The following CNTNAP5 variants were observed in gnomAD, a reference collection of about 807,000 sequenced individuals.
The protein encoded by CNTNAP5 is contactin associated protein family member 5, also known as contactin-associated protein-like 5.
In CNTNAP5, 72 loss-of-function variants were observed where a neutral mutation model predicts 150.2. That is an observed-to-expected ratio of 0.48 (90% CI 0.40 to 0.58). The LOEUF (loss-of-function observed/expected upper bound fraction) is 0.58. CNTNAP5 is among the 20% of genes least tolerant of loss of function. CNTNAP5 has a pLI of 0.00. For synonymous variants in CNTNAP5, 672 were observed against 619.8 expected (o/e 1.08, Z -1.25); for missense variants, 1,636 against 1,626.2 (o/e 1.01, Z -0.10).
intron 19 of CNTNAP5, among the ~76,000 whole-genome samples, chr2:124,811,482 T>C (rs1682217734): frequency 1.3e-5 from 2 of 152,170 alleles, no homozygotes. Context: ...AATTAGTTTT[T>C]TTCCCTACCA....
intron 3 of CNTNAP5, among the ~76,000 whole-genome samples, chr2:124,381,711 G>A (rs574267558): frequency 7.9e-4 from 120 of 152,150 alleles, no homozygotes; most frequent in African/African-American, 2.6e-3. Context: ...GAGGTCGAGC[G>A]GGACCTACAA....
In CNTNAP5 at chr2:124,675,605, G is replaced by A. The variant is rs147526144; in HGVS notation, c.2077+27647G>A. Among the ~76,000 whole-genome samples the A allele has an allele frequency of 9.7e-4, 148 of 151,998 alleles. 1 individual carries two copies. The highest frequency in any genetic ancestry group is 3.3e-3 in the East Asian group (17 of 5,180). ...CATTAATCCTAACTCAATTTCAATC[G>A]TATACAAAAGCTTTTGTGCAACATA... On this transcript the variant is annotated intron_variant, in intron 13 of 23. Coordinates refer to ENST00000682447, the MANE Select transcript of CNTNAP5 (RefSeq NM_001367498.1).
intron 3 of CNTNAP5, among the ~76,000 whole-genome samples, chr2:124,311,271 C>T (rs1360592009): frequency 6.6e-6 from 1 of 152,094 alleles, no homozygotes; most frequent in Non-Finnish European, 1.5e-5. Context: ...TATATTCTTA[C>T]AATTCTGGAA....
intron 11 of CNTNAP5, among the ~76,000 whole-genome samples, chr2:124,568,049 G>T (rs989041646): frequency 6.6e-6 from 1 of 152,182 alleles, no homozygotes; most frequent in African/African-American, 2.4e-5. Context: ...GAGAATCTGC[G>T]TGTTGATGCC....
In CNTNAP5 at chr2:124,084,924, G is replaced by GTTTTGTTTTTTTT. The variant is rs1553435818; in HGVS notation, c.82+59196_82+59197insGTTTTTTTTTTTT. ...TAAAAATTATGAATTCAAGTTTCCT[G>GTTTTGTTTTTTTT]TTTTTTTTTTTTTTTGAGACGGAGT... is the stretch of plus-strand genomic sequence containing the variant. On this transcript the variant is annotated intron_variant, in intron 1 of 23. Coordinates refer to ENST00000682447, the MANE Select transcript of CNTNAP5 (RefSeq NM_001367498.1). 2.7e-3 allele frequency among the ~76,000 whole-genome samples: 242 copies of GTTTTGTTTTTTTT among 89,984 alleles called. 14 individuals are homozygous for GTTTTGTTTTTTTT. The highest frequency in any genetic ancestry group is 3.7e-3 in the Non-Finnish European group (185 of 50,090). The allele number at this position is 89,984 out of a possible 152,430, so 59.0% of individuals were successfully genotyped here.
intron 18 of CNTNAP5, among the ~76,000 whole-genome samples, chr2:124,790,480 T>C (rs990432262): frequency 6.6e-6 from 1 of 152,168 alleles, no homozygotes; most frequent in Non-Finnish European, 1.5e-5. Context: ...AGCCCGCAAA[T>C]GTAATCAAAG....
intron 8 of CNTNAP5, among the ~76,000 whole-genome samples, chr2:124,510,386 C>CACACACACACACACACAT (rs1694547326): frequency 8.1e-6 from 1 of 123,036 alleles, no homozygotes; most frequent in Non-Finnish European, 1.7e-5. Flanking sequence ...CACACACACA[C>CACACACACACACACACAT]ACAAATATTC....
At chr2:124,497,911 C>T (rs1400861453) in intron 7 of CNTNAP5, among the ~76,000 whole-genome samples, 1 of 152,140 alleles carries the variant, frequency 6.6e-6, no homozygotes, top group East Asian at 1.9e-4. Context: ...TAAATTCATT[C>T]GATTGGTTCT....
intron 1 of CNTNAP5, among the ~76,000 whole-genome samples, chr2:124,205,064 T>A (rs540416316): frequency 6.6e-6 from 1 of 152,294 alleles, no homozygotes; most frequent in South Asian, 2.1e-4. Flanking sequence ...CTAGAACTAG[T>A]GACAGTAGAG....
intron 19 of CNTNAP5, among the ~76,000 whole-genome samples, chr2:124,863,197 G>C (rs190096376): frequency 6.6e-6 from 1 of 152,278 alleles, no homozygotes; most frequent in South Asian, 2.1e-4. Flanking sequence ...ACTATGTCTG[G>C]CACGTAATTA....
At chr2:124,253,068 A>C (rs1687227086) in intron 3 of CNTNAP5, among the ~76,000 whole-genome samples, 2 of 151,812 alleles carry the variant, frequency 1.3e-5, no homozygotes, top group South Asian at 4.2e-4. Context: ...ATATTTGTAG[A>C]TTTAAATACA....
In CNTNAP5 at chr2:124,759,382, A is replaced by G. The variant is rs1680908916; in HGVS notation, c.2235-4290A>G. On this transcript the variant is annotated intron_variant, in intron 14 of 23. Coordinates refer to ENST00000682447, the MANE Select transcript of CNTNAP5 (RefSeq NM_001367498.1). ...TATTCATTATATATATTTATTATAT[A>G]TATATAAATTATATATATATCTATA... 3.4e-5 allele frequency among the ~76,000 whole-genome samples: 5 copies of G among 146,840 alleles called. No individual in the cohort carries two copies. In the South Asian group the frequency reaches 8.4e-4, roughly 25 times the overall value.
intron 3 of CNTNAP5, among the ~76,000 whole-genome samples, chr2:124,366,232 A>T (rs1690367053): frequency 6.6e-6 from 1 of 152,120 alleles, no homozygotes; most frequent in Non-Finnish European, 1.5e-5. Context: ...TTACTGCAAG[A>T]CTCAAATGCA....
chr2:124,555,122 A>AT (rs893144366), intron 10 of CNTNAP5, among the ~76,000 whole-genome samples: 15 of 152,036 alleles, frequency 9.9e-5, no homozygotes, highest in African/African-American at 3.4e-4. Context: ...TGGGAATGCT[A>AT]TTTTTTTCTG....
At chr2:124,522,906 A>T (rs1345061323) in intron 8 of CNTNAP5, among the ~76,000 whole-genome samples, 1 of 152,180 alleles carries the variant, frequency 6.6e-6, no homozygotes, top group African/African-American at 2.4e-5. Flanking sequence ...CCTCACATGG[A>T]GTTAGTTAGG....
intron 2 of CNTNAP5, 70 bp from the exon 3 acceptor site, chr2:124,242,130 G>T (rs1686901372): frequency 1.6e-6 from 2 of 1,256,808 alleles, no homozygotes; most frequent in Non-Finnish European, 2.2e-6. Context: ...ATTTCCCTTT[G>T]ATAGTTGAAA....
chr2:124,490,088 T>G (rs1558924755), intron 7 of CNTNAP5, among the ~76,000 whole-genome samples: 1 of 152,030 alleles, frequency 6.6e-6, no homozygotes, highest in Non-Finnish European at 1.5e-5. Flanking sequence ...AATCCCAGCA[T>G]TTTGGAAGGC....
intron 1 of CNTNAP5, among the ~76,000 whole-genome samples, chr2:124,187,232 A>G (rs574228788): frequency 6.6e-6 from 1 of 152,210 alleles, no homozygotes; most frequent in African/African-American, 2.4e-5. Context: ...AGACATGATT[A>G]TGCTTTGGTT....
At chr2:124,330,464 G>A (rs981124091) in intron 3 of CNTNAP5, among the ~76,000 whole-genome samples, 1 of 152,132 alleles carries the variant, frequency 6.6e-6, no homozygotes, top group African/African-American at 2.4e-5. Flanking sequence ...AAGTAATGGA[G>A]TCATGGGGGT....
Sources: allele counts gnomAD v4.1 joint callset (sites outside exome capture counted in the v4.1 genomes callset), GRCh38; gene constraint gnomAD v4.1.1; transcripts MANE v1.5; gene names NCBI Gene and HGNC (gene_info 2026-07-23, HGNC 2026-07-21).